TIMP2: variants seen among roughly 807,000 people sequenced by gnomAD.
TIMP2 encodes metalloproteinase inhibitor 2.
Under a neutral mutation model 24.3 loss-of-function variants are expected in TIMP2, and 5 were observed. That is an observed-to-expected ratio of 0.21 (90% CI 0.11 to 0.43). The LOEUF (loss-of-function observed/expected upper bound fraction) is 0.43, where lower values mean the gene tolerates loss of function less well. TIMP2 is among the 20% of genes least tolerant of loss of function. TIMP2 has a pLI of 1.00. For synonymous variants in TIMP2, 130 were observed against 123.2 expected, an observed-to-expected ratio of 1.06 and a Z score of -0.37; for missense variants, 221 against 297.5, an observed-to-expected ratio of 0.74 and a Z score of 1.89.
Position 78,879,668 on chromosome 17 carries a change from C to T in TIMP2, c.131-5749G>A, listed in dbSNP as rs1362677845. Among the ~76,000 whole-genome samples, 5 of 152,138 alleles carry T rather than the reference C, an allele frequency of 3.3e-5. No homozygotes were observed. In the East Asian group the frequency reaches 7.7e-4, roughly 24 times the overall value. On this transcript the variant is annotated intron_variant, in intron 1 of 4. Coordinates refer to ENST00000262768, the MANE Select transcript of TIMP2 (RefSeq NM_003255.5). The stretch of plus-strand genomic sequence containing the variant: ...CCAGAAACCACGGCCTCTCCCTGGG[C>T]GTCTCAGATTTCGTTTTTCCTTCTT...
At chr17:78,879,348 G>A (rs1038775751) in intron 1 of TIMP2, among the ~76,000 whole-genome samples, 1 of 152,236 alleles carries the variant, frequency 6.6e-6, no homozygotes, top group African/African-American at 2.4e-5. Flanking sequence ...GGGAAAGCAG[G>A]CCACTTCAAA....
intron 2 of TIMP2, among the ~76,000 whole-genome samples, chr17:78,871,628 C>T (rs147541753): frequency 9.6e-4 from 146 of 151,910 alleles, no homozygotes; most frequent in African/African-American, 3.0e-3. Flanking sequence ...AGGCAGATCA[C>T]GAGGTCAGAA....
chr17:78,880,316 A>G (rs2069768192), intron 1 of TIMP2, among the ~76,000 whole-genome samples: 1 of 152,174 alleles, frequency 6.6e-6, no homozygotes, highest in South Asian at 2.1e-4. Context: ...TGTCCACAGA[A>G]GTACTATGGA....
At chr17:78,910,883 A>T (rs945052767) in intron 1 of TIMP2, among the ~76,000 whole-genome samples, 2 of 152,156 alleles carry the variant, frequency 1.3e-5, no homozygotes, top group African/African-American at 4.8e-5. Flanking sequence ...ACTGAGGTTG[A>T]TTCCATATCT....
rs75711045 is a variant in TIMP2 at position 78,897,102 on chromosome 17, C to G, written c.131-23183G>C. 2.8e-4 allele frequency: 159 copies of G among 567,010 alleles called. 1 individual carries two copies. The African/African-American group carries it at 2.8e-3, about 10-fold the overall frequency. 35.1% of individuals were successfully genotyped at this position (567,010 alleles called of 1,614,324 possible). On this transcript the variant is annotated intron_variant, in intron 1 of 4. Coordinates refer to ENST00000262768, the MANE Select transcript of TIMP2 (RefSeq NM_003255.5). ...CCAGGGCCCACAGACAGCACCCCCC[C>G]GCCCCCCGCCGGCCTCCTCACCCCC...
intron 3 of TIMP2, among the ~76,000 whole-genome samples, chr17:78,858,651 G>A (rs1289891596): frequency 6.6e-6 from 1 of 152,048 alleles, no homozygotes; most frequent in South Asian, 2.1e-4. Context: ...CTCCTGAATA[G>A]CTGGGACTAT....
intron 1 of TIMP2, among the ~76,000 whole-genome samples, chr17:78,875,797 C>A (rs1323757243): frequency 6.6e-6 from 1 of 152,164 alleles, no homozygotes; most frequent in Admixed American, 6.5e-5. Context: ...CCCACAGGGG[C>A]AAGGAGGCTC....
chr17:78,885,555 A>G (rs1473208815), intron 1 of TIMP2, among the ~76,000 whole-genome samples: 1 of 152,160 alleles, frequency 6.6e-6, no homozygotes, highest in African/African-American at 2.4e-5. Context: ...GCCCGCCAAC[A>G]TAGCCCTATG....
intron 3 of TIMP2, among the ~76,000 whole-genome samples, chr17:78,866,096 A>G (rs1321699110): frequency 6.6e-6 from 1 of 152,202 alleles, no homozygotes; most frequent in Non-Finnish European, 1.5e-5. Flanking sequence ...TATTTTTCTG[A>G]TGACAAACGT....
At chr17:78,889,713 A>G (rs1416934682) in intron 1 of TIMP2, among the ~76,000 whole-genome samples, 3 of 152,206 alleles carry the variant, frequency 2.0e-5, no homozygotes, top group Admixed American at 6.5e-5. Flanking sequence ...ATGTAGTGAC[A>G]TGATCGGCTC....
chr17:78,882,317 C>A (rs565172407), intron 1 of TIMP2, among the ~76,000 whole-genome samples: 5 of 152,268 alleles, frequency 3.3e-5, no homozygotes, highest in Admixed American at 3.3e-4. Flanking sequence ...GAGGGTGTAC[C>A]AGGGGCCCCT....
chr17:78,881,776 T>G (rs1176718029), intron 1 of TIMP2, among the ~76,000 whole-genome samples: 1 of 152,240 alleles, frequency 6.6e-6, no homozygotes, highest in East Asian at 1.9e-4. Context: ...TTCCACGCCT[T>G]GTCTAAACTC....
chr17:78,900,114 A>G (rs1300740739), intron 1 of TIMP2: 2 of 152,168 alleles, frequency 1.3e-5, no homozygotes, highest in African/African-American at 4.8e-5. Flanking sequence ...TTAAAATGTA[A>G]AGAACAGAGG....
At chr17:78,858,227 G>A (rs1460749513) in intron 3 of TIMP2, among the ~76,000 whole-genome samples, 1 of 152,164 alleles carries the variant, frequency 6.6e-6, no homozygotes, top group Non-Finnish European at 1.5e-5. Context: ...TGGATCACAA[G>A]GTCAGGAGAT....
At chr17:78,914,653 G>C (rs2070240312) in intron 1 of TIMP2, among the ~76,000 whole-genome samples, 1 of 151,852 alleles carries the variant, frequency 6.6e-6, no homozygotes, top group Non-Finnish European at 1.5e-5. Context: ...ATAGCTCACT[G>C]CAGCCTCAAA....
intron 3 of TIMP2, among the ~76,000 whole-genome samples, chr17:78,860,033 G>A (rs868209729): frequency 9.9e-5 from 15 of 151,662 alleles, no homozygotes; most frequent in African/African-American, 2.9e-4. Flanking sequence ...AAAATTAGCC[G>A]GGTGTGGTGG....
chr17:78,859,388 G>C (rs118173560), intron 3 of TIMP2, among the ~76,000 whole-genome samples: 2 of 152,198 alleles, frequency 1.3e-5, no homozygotes, highest in Admixed American at 1.3e-4. Flanking sequence ...GGCCAGGTGC[G>C]ATGGCTCATG....
chr17:78,913,375 G>C (rs904216523), intron 1 of TIMP2, among the ~76,000 whole-genome samples: 1 of 152,160 alleles, frequency 6.6e-6, no homozygotes, highest in African/African-American at 2.4e-5. Context: ...GTGCACTTTA[G>C]AGGAGTGACC....
At position 78,924,925 on chromosome 17, in the gene TIMP2, G is replaced by T; in HGVS notation, c.130+34C>A. ...CCCTCGGGGTCGCGGGGGAGGTGGG[G>T]CCCCGCGCGGGGGCTGGGGTCGCCG... On this transcript the variant is annotated intron_variant, in intron 1 of 4. Coordinates refer to ENST00000262768, the MANE Select transcript of TIMP2 (RefSeq NM_003255.5). The surrounding 1 kb of genome is among the most constrained non-coding windows in gnomAD (Gnocchi z 5.3). The T allele has an allele frequency of 8.4e-7, 1 of 1,195,434 alleles. No homozygotes were observed. The allele number at this position is 1,195,434 out of a possible 1,614,324, so 74.1% of individuals were successfully genotyped here.
Sources: gnomAD v4.1 joint callset for allele counts (sites outside exome capture counted in the v4.1 genomes callset) on GRCh38, gnomAD v4.1.1 for gene constraint, Gnocchi (gnomAD v3.1) non-coding constraint, MANE v1.5 for transcripts, NCBI Gene and HGNC (gene_info 2026-07-23, HGNC 2026-07-21) for gene names.